DDAH2: variants seen among roughly 807,000 people sequenced by gnomAD.
The protein encoded by DDAH2 is putative hydrolase DDAH2.
DDAH2 carries 8 observed loss-of-function variants against 24.8 expected under a neutral mutation model. The ratio of observed to expected loss-of-function variants is 0.32; its 90% confidence interval spans 0.19 to 0.58. The LOEUF (loss-of-function observed/expected upper bound fraction) is 0.58. DDAH2 is among the 20% of genes least tolerant of loss of function. The pLI is 0.87. For missense variants in DDAH2, 281 were observed against 379.0 expected (o/e 0.74, Z 2.15); for synonymous variants, 151 against 166.1 (o/e 0.91, Z 0.70).
chr6:31,728,261 C>A lies in DDAH2; in HGVS notation c.503G>T (p.Gly168Val), dbSNP rs772688531. ...GCAGAGACCGCGCAGGTGGGAGGGA[C>A]CCGAGACTGGCACAGTGGAGACGGC... ...DFAVSTVPVSGPSHLRGLCGM... is the reference protein window; with the variant it reads ...DFAVSTVPVSVPSHLRGLCGM... Residue 168 changes from glycine (G) to valine (V), a missense_variant, in exon 4 of 6, where the codon GGT becomes GTT. Transcript: ENST00000375789. This position sits in a 1 kb window ranked among gnomAD's most constrained non-coding sequence, Gnocchi z 9.8. The A allele has an allele frequency of 6.2e-7, 1 of 1,612,092 alleles. No homozygotes were observed. The highest frequency in any genetic ancestry group is 8.5e-7 in the Non-Finnish European group (1 of 1,179,574).
chr6:31,730,179 GC>G (rs1261014448), upstream of DDAH2: 1 of 153,242 alleles, frequency 6.5e-6, no homozygotes, highest in Non-Finnish European at 1.5e-5. The surrounding 1 kb of genome is among the most constrained non-coding windows in gnomAD (Gnocchi z 5.1). Flanking sequence ...GGCTTTTAGC[GC>G]GGGTCCTTGT....
chr6:31,728,091 G>A lies in DDAH2; in HGVS notation c.591+82C>T. ...ACAGCCCATTGAGGGCAGGGGTTAG[G>A]GCTAATTTCCTAAGCCTCCCAGCTC... On this transcript the variant is annotated intron_variant, in intron 4 of 5. Coordinates refer to ENST00000375789, the MANE Select transcript of DDAH2 (RefSeq NM_001303007.2). This position sits in a 1 kb window ranked among gnomAD's most constrained non-coding sequence, Gnocchi z 9.8. 1.9e-6 allele frequency: 3 copies of A among 1,541,588 alleles called. No individual in the cohort carries two copies. The highest frequency in any genetic ancestry group is 2.6e-6 in the Non-Finnish European group (3 of 1,137,484).
In DDAH2 at chr6:31,727,284, C is replaced by G. The variant is rs373175852; in HGVS notation, c.811G>C (p.Gly271Arg). Residue 271 changes from glycine (G) to arginine (R), a missense_variant, in exon 6 of 6, where the codon GGG (glycine) becomes CGG (arginine). Transcript: ENST00000375789. The surrounding 1 kb of genome is among the most constrained non-coding windows in gnomAD (Gnocchi z 6.0). ...SCSELEKAGA[G>R]LSSLCLVLST... The stretch of plus-strand genomic sequence containing the variant: ...AGCACCAAGCAGAGGGAGCTGAGCC[C>G]GGCGCCAGCCTTCTCCAGTTCTGAG... 5.0e-6 allele frequency: 8 copies of G among 1,613,060 alleles called. No individual in the cohort carries two copies. Among genetic ancestry groups the G allele is most frequent in the Non-Finnish European group, 6.8e-6 (8 of 1,180,018 alleles).
In DDAH2 at chr6:31,727,525, G is replaced by A. The variant is rs376436685; in HGVS notation, c.741+18C>T. 2.5e-6 allele frequency: 4 copies of A among 1,613,078 alleles called. No homozygotes were observed. Among genetic ancestry groups the A allele is most frequent in the Non-Finnish European group, 3.4e-6 (4 of 1,180,026 alleles). ...TTCTCTGATGGTGCTTGGTGTTGGA[G>A]TTCCTGCCCTCTCTCACCTCCTGGC... On this transcript the variant is annotated intron_variant, in intron 5 of 5. Coordinates refer to ENST00000375789, the MANE Select transcript of DDAH2 (RefSeq NM_001303007.2). This position sits in a 1 kb window ranked among gnomAD's most constrained non-coding sequence, Gnocchi z 6.0.
rs1807570623 is a variant in DDAH2 at position 31,728,510 on chromosome 6, C to A, written c.412G>T (p.Val138Leu). The A allele has an allele frequency of 6.2e-7, 1 of 1,612,734 alleles. No homozygotes were observed. Among genetic ancestry groups the A allele is most frequent in the Non-Finnish European group, 8.5e-7 (1 of 1,179,964 alleles). The change falls in exon 3 of 6, where the codon GTA becomes TTA. Residue 138 changes from valine (V) to leucine (L), a missense_variant. Val to Leu is a conservative substitution (Grantham distance 32). Coordinates refer to ENST00000375789, the MANE Select transcript of DDAH2 (RefSeq NM_001303007.2). This position sits in a 1 kb window ranked among gnomAD's most constrained non-coding sequence, Gnocchi z 9.8. ...TGATTGGTCCATTTGGAGAGGCCTA[C>A]GAAAAACTCCCGGCCTGAGTCCGGG... is the stretch of plus-strand genomic sequence containing the variant. ...DVLFTGREFF[V>L]GLSKWTNHRG...
In DDAH2 at chr6:31,727,702, A is replaced by C. The variant is rs374303021; in HGVS notation, c.592-10T>G. ...TCAGCACTGCCATTGCCTAGAGGAA[A>C]GAGGAAGTGTTCGAGTCTCAGAACC... On this transcript the variant is annotated splice_polypyrimidine_tract_variant and intron_variant, in intron 4 of 5. Coordinates refer to ENST00000375789, the MANE Select transcript of DDAH2 (RefSeq NM_001303007.2). This position sits in a 1 kb window ranked among gnomAD's most constrained non-coding sequence, Gnocchi z 6.0. 15 of 1,583,502 alleles carry C rather than the reference A, an allele frequency of 9.5e-6. No homozygotes were observed. The African/African-American group carries it at 1.9e-4, about 20-fold the overall frequency.
In DDAH2 at chr6:31,728,106, C is replaced by T; in HGVS notation, c.591+67G>A. On this transcript the variant is annotated intron_variant, in intron 4 of 5. Coordinates refer to ENST00000375789, the MANE Select transcript of DDAH2 (RefSeq NM_001303007.2). This position sits in a 1 kb window ranked among gnomAD's most constrained non-coding sequence, Gnocchi z 9.8. The stretch of plus-strand genomic sequence containing the variant: ...CAGGGGTTAGGGCTAATTTCCTAAG[C>T]CTCCCAGCTCCCGGCCTCCCGGGCC... 6.3e-7 allele frequency: 1 copy of T among 1,581,278 alleles called. No homozygotes were observed. The highest frequency in any genetic ancestry group is 1.8e-5 in the Admixed American group (1 of 56,448).
rs1295274676 is a variant in DDAH2, at chr6:31,728,239, G to C, written c.525C>G (p.Leu175=). 1 of 1,612,764 alleles carries C rather than the reference G, an allele frequency of 6.2e-7. No individual in the cohort carries two copies. The highest frequency in any genetic ancestry group is 1.7e-5 in the Admixed American group (1 of 59,970). Residue 175 remains leucine (L), a synonymous_variant, in exon 4 of 6, where the codon CTC becomes CTG. Transcript: ENST00000375789. The surrounding 1 kb of genome is among the most constrained non-coding windows in gnomAD (Gnocchi z 9.8). ...CAGTGCGAGGTCCCCCCATGCCGCA[G>C]AGACCGCGCAGGTGGGAGGGACCCG... ...PVSGPSHLRG[L]CGMGGPRTVV...
Position 31,728,554 on chromosome 6 carries a change from G to A in DDAH2, c.398-30C>T, listed in dbSNP as rs757578379. 6.2e-7 allele frequency: 1 copy of A among 1,612,516 alleles called. No individual in the cohort carries two copies. The highest frequency in any genetic ancestry group is 1.7e-5 in the Admixed American group (1 of 60,016). On this transcript the variant is annotated intron_variant, in intron 2 of 5. Coordinates refer to ENST00000375789, the MANE Select transcript of DDAH2 (RefSeq NM_001303007.2). The surrounding 1 kb of genome is among the most constrained non-coding windows in gnomAD (Gnocchi z 9.8). ...GTCCGGGAGGCCGCGGAGGTTTGAG[G>A]GCGGGAGTGAGTTAGAAACAAGGCT... is the stretch of plus-strand genomic sequence containing the variant.
upstream of DDAH2, chr6:31,729,580 C>T: frequency 1.4e-5 from 3 of 207,032 alleles, no homozygotes; most frequent in South Asian, 3.1e-4. This position sits in a 1 kb window ranked among gnomAD's most constrained non-coding sequence, Gnocchi z 6.7. Context: ...CTCAGCTGCT[C>T]GCTACCGCAG....
Position 31,728,147 on chromosome 6 carries a change from T to A in DDAH2, c.591+26A>T, listed in dbSNP as rs543052847. On this transcript the variant is annotated intron_variant, in intron 4 of 5. Transcript: ENST00000375789. The surrounding 1 kb of genome is among the most constrained non-coding windows in gnomAD (Gnocchi z 9.8). ...CTCCCGGGCCCAGAACTGCGCCCAC[T>A]TTCGTTGGCCCCGCCCCCTCCTCAC... 1.2e-6 allele frequency: 2 copies of A among 1,608,708 alleles called. No individual in the cohort carries two copies. The highest frequency in any genetic ancestry group is 2.7e-5 in the African/African-American group (2 of 74,960).
chr6:31,728,851 G>C lies in DDAH2; in HGVS notation c.297+14C>G, dbSNP rs753958371. ...CTGCCTTTCCCCATACCACACCCGCGCCACGGCGCTCACCTCTGGCCTACG... is the reference window on the plus strand; with the variant it reads ...CTGCCTTTCCCCATACCACACCCGCCCCACGGCGCTCACCTCTGGCCTACG... On this transcript the variant is annotated intron_variant, in intron 1 of 5. Transcript: ENST00000375789. This position sits in a 1 kb window ranked among gnomAD's most constrained non-coding sequence, Gnocchi z 9.8. 138 of 1,611,132 alleles carry C rather than the reference G, an allele frequency of 8.6e-5. No homozygotes were observed. The highest frequency in any genetic ancestry group is 1.1e-4 in the Non-Finnish European group (124 of 1,179,062).
chr6:31,727,294 C>T lies in DDAH2; in HGVS notation c.801G>A (p.Lys267=), dbSNP rs1807453398. The change falls in exon 6 of 6, where the codon AAG becomes AAA. Residue 267 remains lysine, a synonymous_variant. Coordinates refer to ENST00000375789, the MANE Select transcript of DDAH2 (RefSeq NM_001303007.2). This position sits in a 1 kb window ranked among gnomAD's most constrained non-coding sequence, Gnocchi z 6.0. ...AGAGGGAGCTGAGCCCGGCGCCAGC[C>T]TTCTCCAGTTCTGAGCAGGACACAG... ...LVPVSCSELE[K]AGAGLSSLCL... 1.9e-6 allele frequency: 3 copies of T among 1,613,078 alleles called. No individual in the cohort carries two copies. Among genetic ancestry groups the T allele is most frequent in the Non-Finnish European group, 8.5e-7 (1 of 1,180,026 alleles).
chr6:31,727,510 G>A lies in DDAH2; in HGVS notation c.741+33C>T. The A allele has an allele frequency of 6.2e-7, 1 of 1,613,004 alleles. No homozygotes were observed. On this transcript the variant is annotated intron_variant, in intron 5 of 5. Transcript: ENST00000375789. The surrounding 1 kb of genome is among the most constrained non-coding windows in gnomAD (Gnocchi z 6.0). ...AAGCCTGAAACTCTTTTCTCTGATG[G>A]TGCTTGGTGTTGGAGTTCCTGCCCT...
chr6:31,728,442 G>A lies in DDAH2; in HGVS notation c.471+9C>T. 1 of 1,611,872 alleles carries A rather than the reference G, an allele frequency of 6.2e-7. No individual in the cohort carries two copies. The highest frequency in any genetic ancestry group is 8.5e-7 in the Non-Finnish European group (1 of 1,179,688). ...CCCCCTCCCTCCCTAGGCTGGTCCC[G>A]CTCCGCACCCGGAACGTGTCCGCCA... On this transcript the variant is annotated intron_variant, in intron 3 of 5. Transcript: ENST00000375789. This position sits in a 1 kb window ranked among gnomAD's most constrained non-coding sequence, Gnocchi z 9.8.
chr6:31,728,565 G>T lies in DDAH2; in HGVS notation c.398-41C>A. ...CGCGGAGGTTTGAGGGCGGGAGTGA[G>T]TTAGAAACAAGGCTCCAGACGGCCG... On this transcript the variant is annotated intron_variant, in intron 2 of 5. Coordinates refer to ENST00000375789, the MANE Select transcript of DDAH2 (RefSeq NM_001303007.2). The surrounding 1 kb of genome is among the most constrained non-coding windows in gnomAD (Gnocchi z 9.8). The T allele has an allele frequency of 6.2e-7, 1 of 1,612,156 alleles. No individual in the cohort carries two copies. The highest frequency in any genetic ancestry group is 8.5e-7 in the Non-Finnish European group (1 of 1,179,312).
Position 31,729,241 on chromosome 6 carries a change from G to A in DDAH2, c.-80C>T. The A allele has an allele frequency of 8.2e-7, 1 of 1,217,322 alleles. No individual in the cohort carries two copies. Among genetic ancestry groups the A allele is most frequent in the Non-Finnish European group, 1.2e-6 (1 of 866,190 alleles). The allele number at this position is 1,217,322 out of a possible 1,614,324, so 75.4% of individuals were successfully genotyped here. A position where few individuals can be genotyped will look rare whatever the true frequency, so the allele number is the denominator to read the frequency against. ...CTTCACCTGTCTGGGAGAAGAAACAGAAAAGGAGGAGACAGAGAAAAAGAC... is the reference window on the plus strand; with the variant it reads ...CTTCACCTGTCTGGGAGAAGAAACAAAAAAGGAGGAGACAGAGAAAAAGAC... On this transcript the variant is annotated 5_prime_UTR_variant, in exon 1 of 6. Coordinates refer to ENST00000375789, the MANE Select transcript of DDAH2 (RefSeq NM_001303007.2). The surrounding 1 kb of genome is among the most constrained non-coding windows in gnomAD (Gnocchi z 6.7).
In DDAH2 at chr6:31,727,167, C is replaced by G. The variant is rs1807438645; in HGVS notation, c.*70G>C. On this transcript the variant is annotated 3_prime_UTR_variant, in exon 6 of 6. Transcript: ENST00000375789. The surrounding 1 kb of genome is among the most constrained non-coding windows in gnomAD (Gnocchi z 6.0). ...CTACTGCCTATTCAGCATTCTCTAT[C>G]TAACCCTCCTTCCCCTTCTACTTCC... 1 of 1,172,064 alleles carries G rather than the reference C, an allele frequency of 8.5e-7. No individual in the cohort carries two copies. The highest frequency in any genetic ancestry group is 1.3e-5 in the South Asian group (1 of 78,750). The allele number at this position is 1,172,064 out of a possible 1,614,324, so 72.6% of individuals were successfully genotyped here. A position where few individuals can be genotyped will look rare whatever the true frequency, so the allele number is the denominator to read the frequency against.
At position 31,727,436 on chromosome 6, in the gene DDAH2, G is replaced by C; in HGVS notation, c.742-83C>G. Reference sequence around the variant, plus strand: ...CCACTCTTCCAGCCAGCTCAGAGTGGCCCCACCCAGGCTTCTAGAGAAGGT... The same window carrying C: ...CCACTCTTCCAGCCAGCTCAGAGTGCCCCCACCCAGGCTTCTAGAGAAGGT... On this transcript the variant is annotated intron_variant, in intron 5 of 5. Transcript: ENST00000375789. The surrounding 1 kb of genome is among the most constrained non-coding windows in gnomAD (Gnocchi z 6.0). 1 of 1,597,418 alleles carries C rather than the reference G, an allele frequency of 6.3e-7. No homozygotes were observed. Among genetic ancestry groups the C allele is most frequent in the East Asian group, 2.2e-5 (1 of 44,784 alleles).
Sources: gnomAD v4.1 joint callset for allele counts on GRCh38, gnomAD v4.1.1 for gene constraint, Gnocchi (gnomAD v3.1) non-coding constraint, MANE v1.5 for transcripts, NCBI Gene and HGNC (gene_info 2026-07-23, HGNC 2026-07-21) for gene names.